Variants in CYP7B1 observed in about 807,000 individuals in gnomAD.
CYP7B1 encodes the protein cytochrome P450 7B1.
Under a neutral mutation model 42.7 loss-of-function variants are expected in CYP7B1, and 29 were observed. The ratio of observed to expected loss-of-function variants is 0.68; its 90% CI spans 0.51 to 0.93. The LOEUF is 0.93. CYP7B1 is among the 40% of genes least tolerant of loss of function. The probability of loss-of-function intolerance (pLI) is 0.00; values close to 1 mark genes in which losing one functional copy is unlikely to be tolerated. For missense variants in CYP7B1, 655 were observed against 600.5 expected, an observed-to-expected ratio of 1.09 and a Z score of -0.95; for synonymous variants, 235 against 218.2, an observed-to-expected ratio of 1.08 and a Z score of -0.68.
chr8:64,793,647 G>A (rs1045019589), intron 1 of CYP7B1, among the ~76,000 whole-genome samples: 5 of 151,980 alleles, frequency 3.3e-5, no homozygotes, highest in African/African-American at 1.2e-4. Context: ...CTATGGGAAG[G>A]ACTACCCATA....
intron 1 of CYP7B1, among the ~76,000 whole-genome samples, chr8:64,652,457 G>C (rs559106479): frequency 6.6e-6 from 1 of 152,234 alleles, no homozygotes; most frequent in South Asian, 2.1e-4. Flanking sequence ...TGAAAGAACT[G>C]AAATCATACC....
rs1804755396 is a variant in CYP7B1 at position 64,798,703 on chromosome 8, G to A, written c.-116C>T. ...CGGCGCCCCCTAGTCCAGGGCCGGA[G>A]AGGCTGGCCTGCCCGCAGCGCAGAC... On this transcript the variant is annotated 5_prime_UTR_variant, in exon 1 of 6. Transcript: ENST00000310193. 2.5e-6 allele frequency: 3 copies of A among 1,181,526 alleles called. No individual in the cohort carries two copies. Among genetic ancestry groups the A allele is most frequent in the Admixed American group, 4.0e-5 (1 of 24,920 alleles). The allele number at this position is 1,181,526 out of a possible 1,614,324, so 73.2% of individuals were successfully genotyped here.
chr8:64,635,829 A>G (rs1282362029), intron 1 of CYP7B1, among the ~76,000 whole-genome samples: 1 of 152,174 alleles, frequency 6.6e-6, no homozygotes, highest in African/African-American at 2.4e-5. Context: ...TTGTGATCCA[A>G]ATAAAGCTTT....
At chr8:64,602,686 A>G (rs1805220258) in intron 5 of CYP7B1, among the ~76,000 whole-genome samples, 1 of 152,202 alleles carries the variant, frequency 6.6e-6, no homozygotes, top group Admixed American at 6.5e-5. Flanking sequence ...CTCCTGAACC[A>G]TGTTCTCAGC....
At chr8:64,616,493 C>G (rs1460151532) in intron 2 of CYP7B1, among the ~76,000 whole-genome samples, 1 of 152,110 alleles carries the variant, frequency 6.6e-6, no homozygotes, top group Non-Finnish European at 1.5e-5. Context: ...GTTAAATATC[C>G]TGAAGTTCTT....
intron 1 of CYP7B1, among the ~76,000 whole-genome samples, chr8:64,655,955 A>C (rs989157980): frequency 6.6e-6 from 1 of 152,128 alleles, no homozygotes. Context: ...GGGAGCTAAA[A>C]GTGGGAGACC....
chr8:64,600,539 A>AG (rs1177366964), intron 5 of CYP7B1, among the ~76,000 whole-genome samples: 56 of 152,304 alleles, frequency 3.7e-4, no homozygotes, highest in African/African-American at 1.3e-3. Context: ...TGCATGGCTA[A>AG]GGGGCTACAC....
intron 1 of CYP7B1, among the ~76,000 whole-genome samples, chr8:64,626,115 T>A (rs779213882): frequency 2.0e-5 from 3 of 151,886 alleles, no homozygotes; most frequent in Non-Finnish European, 2.9e-5. Context: ...TAGGTAAGAG[T>A]TCTCAAGGCC....
intron 4 of CYP7B1, among the ~76,000 whole-genome samples, chr8:64,613,984 G>C (rs898356450): frequency 6.6e-6 from 1 of 152,092 alleles, no homozygotes; most frequent in Non-Finnish European, 1.5e-5. Context: ...AGGCTAAAAT[G>C]CTCGCCTACA....
intron 1 of CYP7B1, among the ~76,000 whole-genome samples, chr8:64,644,238 C>T (rs1203652301): frequency 6.6e-6 from 1 of 150,802 alleles, no homozygotes; most frequent in Non-Finnish European, 1.5e-5. Context: ...CGCCACTGCA[C>T]TCCAGCCTGG....
intron 1 of CYP7B1, among the ~76,000 whole-genome samples, chr8:64,770,566 T>C (rs903206882): frequency 6.6e-6 from 1 of 152,196 alleles, no homozygotes; most frequent in African/African-American, 2.4e-5. Context: ...ACCATAAAAA[T>C]AAAACTATTG....
chr8:64,747,992 A>C (rs1353118174), intron 1 of CYP7B1, among the ~76,000 whole-genome samples: 1 of 152,186 alleles, frequency 6.6e-6, no homozygotes, highest in Middle Eastern at 3.2e-3. Flanking sequence ...CCTGGAAGCC[A>C]TACTTCACAA....
chr8:64,610,759 A>T (rs1208575500), intron 4 of CYP7B1, among the ~76,000 whole-genome samples: 1 of 152,140 alleles, frequency 6.6e-6, no homozygotes, highest in Non-Finnish European at 1.5e-5. Context: ...CTTATAAAAA[A>T]TACTGGTCAA....
Position 64,604,872 on chromosome 8 carries a change from CAA to C in CYP7B1, c.1058-17_1058-16del, listed in dbSNP as rs1259924954. 6.2e-7 allele frequency: 1 copy of C among 1,611,944 alleles called. No individual in the cohort carries two copies. Among genetic ancestry groups the C allele is most frequent in the South Asian group, 1.1e-5 (1 of 90,894 alleles). On this transcript the variant is annotated splice_polypyrimidine_tract_variant and intron_variant, in intron 4 of 5. Coordinates refer to ENST00000310193, the MANE Select transcript of CYP7B1 (RefSeq NM_004820.5). ...AATGCTGCTTTCTGAAGGAAAAAAA[CAA>C]ACGATAGCTTATTAAGATAGGGCTG...
At chr8:64,758,025 C>T (rs1279343211) in intron 1 of CYP7B1, among the ~76,000 whole-genome samples, 1 of 152,192 alleles carries the variant, frequency 6.6e-6, no homozygotes, top group Admixed American at 6.5e-5. Flanking sequence ...ATCCTTTGCT[C>T]CTGTTCCCTA....
rs938541180 is a variant in CYP7B1 at position 64,790,349 on chromosome 8, T to C, written c.122+8117A>G. Among the ~76,000 whole-genome samples the C allele has an allele frequency of 7.2e-5, 11 of 152,186 alleles. No homozygotes were observed. In the East Asian group the frequency reaches 1.5e-3, roughly 21 times the overall value. On this transcript the variant is annotated intron_variant, in intron 1 of 5. Coordinates refer to ENST00000310193, the MANE Select transcript of CYP7B1 (RefSeq NM_004820.5). ...ACCTAAAGGCAAGCTTGAAAATCCA[T>C]AGGAATAAGGCAGCCAAAGGACCCT...
rs1159393560 is a variant in CYP7B1 at position 64,593,199 on chromosome 8, A to G, written c.*3443T>C. On this transcript the variant is annotated 3_prime_UTR_variant, in exon 6 of 6. Transcript: ENST00000310193. ...CGTCCAAGTACGAAAAGGACAGAGTATGCTTTGTGGTGGACTAAAGGCTAG... is the reference window on the plus strand; with the variant it reads ...CGTCCAAGTACGAAAAGGACAGAGTGTGCTTTGTGGTGGACTAAAGGCTAG... 6.8e-6 allele frequency among the ~76,000 whole-genome samples: 1 copy of G among 148,110 alleles called. No homozygotes were observed. The highest frequency in any genetic ancestry group is 1.5e-5 in the Non-Finnish European group (1 of 67,122).
intron 1 of CYP7B1, among the ~76,000 whole-genome samples, chr8:64,668,348 A>C (rs767953121): frequency 1.5e-4 from 23 of 152,300 alleles, no homozygotes; most frequent in South Asian, 1.0e-3. Context: ...TGTTGAACTG[A>C]TAACTATATA....
At chr8:64,713,335 G>A (rs1807108584) in intron 1 of CYP7B1, among the ~76,000 whole-genome samples, 1 of 150,932 alleles carries the variant, frequency 6.6e-6, no homozygotes, top group Admixed American at 6.7e-5. Context: ...GCAATAAAAA[G>A]TTATCAGGCA....
Sources: allele counts gnomAD v4.1 joint callset (sites outside exome capture counted in the v4.1 genomes callset), GRCh38; gene constraint gnomAD v4.1.1; transcripts MANE v1.5; gene names NCBI Gene and HGNC (gene_info 2026-07-23, HGNC 2026-07-21).